STK3: variants seen among roughly 807,000 people sequenced by gnomAD.
STK3 encodes the protein serine/threonine kinase 3, also known as serine/threonine-protein kinase 3.
Under a neutral mutation model 58.0 loss-of-function variants are expected in STK3, and 41 were observed. That is an observed-to-expected ratio of 0.71 (90% CI 0.55 to 0.92). The LOEUF (loss-of-function observed/expected upper bound fraction) is 0.92. STK3 is among the 40% of genes least tolerant of loss of function. STK3 has a pLI of 0.00. For synonymous variants in STK3, 170 were observed against 191.0 expected (o/e 0.89, Z 0.91); for missense variants, 479 against 602.7 (o/e 0.79, Z 2.15).
intron 1 of STK3, among the ~76,000 whole-genome samples, chr8:98,383,432 T>C (rs1817759184): frequency 6.6e-6 from 1 of 152,212 alleles, no homozygotes; most frequent in Admixed American, 6.5e-5. Flanking sequence ...TATTATAGAA[T>C]AGCAGGTGCA....
upstream of STK3, among the ~76,000 whole-genome samples, chr8:98,828,457 A>C (rs1196673761): frequency 4.0e-5 from 6 of 150,490 alleles, no homozygotes; most frequent in South Asian, 2.1e-4. Flanking sequence ...AAAAAAAAAA[A>C]AAAAAAAACA....
chr8:98,616,875 AC>A lies in STK3; in HGVS notation c.685-20707del, dbSNP rs565728908. On this transcript the variant is annotated intron_variant, in intron 6 of 10. Transcript: ENST00000419617. The stretch of plus-strand genomic sequence containing the variant: ...CACATTAATAATGGGAGACTTTAAC[AC>A]CCCACTGTCAACATTAGACAGATCA... Among the ~76,000 whole-genome samples the A allele has an allele frequency of 3.6e-4, 55 of 151,446 alleles. 2 individuals are homozygous for A. The South Asian group carries it at 6.3e-3, about 17-fold the overall frequency.
At chr8:98,625,068 C>T (rs866821054) in intron 6 of STK3, among the ~76,000 whole-genome samples, 23 of 152,244 alleles carry the variant, frequency 1.5e-4, no homozygotes, top group Non-Finnish European at 2.8e-4. Flanking sequence ...CCAGAGAAGA[C>T]TGCTGAGTGT....
chr8:98,548,773 A>G (rs1248974174), intron 8 of STK3, among the ~76,000 whole-genome samples: 1 of 152,098 alleles, frequency 6.6e-6, no homozygotes. Flanking sequence ...AGGTATCTAG[A>G]ATAGGCAAAT....
intron 6 of STK3, among the ~76,000 whole-genome samples, chr8:98,624,074 CAAG>C (rs1333957180): frequency 6.6e-6 from 1 of 152,108 alleles, no homozygotes; most frequent in Non-Finnish European, 1.5e-5. Context: ...CTGACAAAAC[CAAG>C]GAGAGATGGG....
chr8:98,638,908 T>C (rs1186862169), intron 6 of STK3, among the ~76,000 whole-genome samples: 1 of 152,190 alleles, frequency 6.6e-6, no homozygotes, highest in East Asian at 1.9e-4. Flanking sequence ...TCTTATTTAA[T>C]GTAGTAATTA....
chr8:98,413,806 C>T (rs1818084171), intron 3 of STK3: 1 of 611,908 alleles, frequency 1.6e-6, no homozygotes, highest in Admixed American at 2.1e-5. Flanking sequence ...GTGGGGGCCT[C>T]AGGGTTCACC....
intron 3 of STK3, among the ~76,000 whole-genome samples, chr8:98,858,323 T>TATATATATATATATATAGAGAG (rs1189807446): frequency 1.2e-4 from 2 of 16,276 alleles, no homozygotes; most frequent in Non-Finnish European, 2.1e-4. Context: ...TATATATATA[T>TATATATATATATATATAGAGAG]AGAGAGAGAG....
chr8:98,797,121 A>G (rs991510327), intron 1 of STK3, among the ~76,000 whole-genome samples: 3 of 152,194 alleles, frequency 2.0e-5, no homozygotes, highest in African/African-American at 7.2e-5. Context: ...AAGCTGTTTC[A>G]TCTACATTGA....
chr8:98,353,772 T>C, the STK3 span, among the ~76,000 whole-genome samples: 4 of 151,946 alleles, frequency 2.6e-5, no homozygotes, highest in African/African-American at 4.8e-5. Context: ...CAAATATAGG[T>C]AGATGTAGTA....
At chr8:98,387,408 G>A (rs994873457) in intron 1 of STK3, among the ~76,000 whole-genome samples, 1 of 152,202 alleles carries the variant, frequency 6.6e-6, no homozygotes. Context: ...ATGAGTCCAT[G>A]ATGTATTTTC....
intron 4 of STK3, among the ~76,000 whole-genome samples, chr8:98,739,084 C>T (rs922834325): frequency 6.6e-6 from 1 of 152,240 alleles, no homozygotes. Flanking sequence ...AACAAAGCAG[C>T]CGGGAAGCTC....
chr8:98,910,973 T>A (rs1839108170), intron 1 of STK3, among the ~76,000 whole-genome samples: 1 of 152,160 alleles, frequency 6.6e-6, no homozygotes, highest in Admixed American at 6.5e-5. Context: ...AGCTGACACA[T>A]CACATGGCTT....
intron 6 of STK3, among the ~76,000 whole-genome samples, chr8:98,654,928 C>T (rs1821346219): frequency 1.3e-5 from 2 of 151,896 alleles, no homozygotes; most frequent in South Asian, 4.2e-4. Flanking sequence ...TTTATAGATT[C>T]AATGCCATCC....
intron 8 of STK3, among the ~76,000 whole-genome samples, chr8:98,577,396 A>T (rs1813496594): frequency 6.6e-6 from 1 of 152,210 alleles, no homozygotes; most frequent in Non-Finnish European, 1.5e-5. Flanking sequence ...CTGAGGCAGG[A>T]GAATTGCTTG....
rs560413961 is a variant in STK3 at position 98,680,204 on chromosome 8, A to G, written c.684+26263T>C. Among the ~76,000 whole-genome samples, 8 of 152,310 alleles carry G rather than the reference A, an allele frequency of 5.3e-5. 1 individual carries two copies. The highest frequency in any genetic ancestry group is 1.9e-4 in the African/African-American group (8 of 41,570). On this transcript the variant is annotated intron_variant, in intron 6 of 10. Coordinates refer to ENST00000419617, the MANE Select transcript of STK3 (RefSeq NM_006281.4). ...TTATAAACATCAATCAATGCTGTGC[A>G]GACAGAGCTAAGAGGGAAAGGCAAT...
intron 6 of STK3, among the ~76,000 whole-genome samples, chr8:98,684,198 A>C (rs1344657194): frequency 6.6e-6 from 1 of 152,180 alleles, no homozygotes; most frequent in Non-Finnish European, 1.5e-5. Context: ...TAATAGGCTC[A>C]TTATTTTCAT....
In STK3 at chr8:98,540,271, A is replaced by C. The variant is rs150973472; in HGVS notation, c.1141+7698T>G. On this transcript the variant is annotated intron_variant, in intron 9 of 10. Transcript: ENST00000419617. ...TCTGTCCTAGCTGCACCTCAGAAGC[A>C]CTTGTAGAGTTTTTAAATTTTAAAA... is the stretch of plus-strand genomic sequence containing the variant. 6.3e-3 allele frequency among the ~76,000 whole-genome samples: 966 copies of C among 152,312 alleles called. 13 individuals carry two copies. The highest frequency in any genetic ancestry group is 0.022 in the African/African-American group (916 of 41,568).
At position 98,700,601 on chromosome 8, in the gene STK3, T is replaced by G. The variant is rs150323153; in HGVS notation, c.684+5866A>C. ...GTTAAATTTCCAGAAAGTTGACAAG[T>G]GCCTCCAATTATCTCCTTAAATCAC... On this transcript the variant is annotated intron_variant, in intron 6 of 10. Transcript: ENST00000419617. 8.1e-4 allele frequency among the ~76,000 whole-genome samples: 123 copies of G among 152,374 alleles called. 5 individuals carry two copies. The East Asian group carries it at 0.016, about 20-fold the overall frequency.
Sources: gnomAD v4.1 joint callset for allele counts (sites outside exome capture counted in the v4.1 genomes callset) on GRCh38, gnomAD v4.1.1 for gene constraint, MANE v1.5 for transcripts, NCBI Gene and HGNC (gene_info 2026-07-23, HGNC 2026-07-21) for gene names.